The following KIF26B variants were observed in gnomAD, a reference collection of about 807,000 sequenced individuals.
The protein encoded by KIF26B is kinesin family member 26B.
KIF26B carries 63 observed loss-of-function variants against 151.2 expected under a neutral mutation model. That is an observed-to-expected ratio of 0.42 (90% CI 0.34 to 0.51). KIF26B has a LOEUF of 0.51. KIF26B is among the 20% of genes least tolerant of loss of function. The pLI, the probability that KIF26B is intolerant of heterozygous loss-of-function variation, is 0.07. For synonymous variants in KIF26B, 1,357 were observed against 1,262.1 expected (o/e 1.08, Z -1.59); for missense variants, 2,813 against 2,913.6 (o/e 0.97, Z 0.79).
intron 2 of KIF26B, among the ~76,000 whole-genome samples, chr1:245,245,074 G>A (rs528705688): frequency 1.3e-5 from 2 of 152,186 alleles, no homozygotes; most frequent in East Asian, 3.9e-4. Flanking sequence ...TGTGAGCCTC[G>A]GTGGGCTGAT....
chr1:245,482,902 A>C (rs1660198393), intron 4 of KIF26B, among the ~76,000 whole-genome samples: 1 of 151,766 alleles, frequency 6.6e-6, no homozygotes, highest in Non-Finnish European at 1.5e-5. Flanking sequence ...CGGTGTGATG[A>C]ATCCCGGGCA....
At chr1:245,292,791 T>C (rs569267024) in intron 2 of KIF26B, among the ~76,000 whole-genome samples, 4 of 152,296 alleles carry the variant, frequency 2.6e-5, no homozygotes, top group Non-Finnish European at 4.4e-5. Context: ...CATTTCCCTT[T>C]CCACCTTCCC....
In KIF26B at chr1:245,686,594, G is replaced by A; in HGVS notation, c.3611G>A (p.Ser1204Asn). The A allele has an allele frequency of 1.2e-6, 2 of 1,611,776 alleles. No individual in the cohort carries two copies. The highest frequency in any genetic ancestry group is 1.7e-6 in the Non-Finnish European group (2 of 1,179,334). The change falls in exon 12 of 15, where the codon AGC (serine) becomes AAC (asparagine). Residue 1204 changes from serine (S) to asparagine (N), a missense_variant. Transcript: ENST00000407071. The surrounding 1 kb of genome is among the most constrained non-coding windows in gnomAD (Gnocchi z 5.6). Reference protein sequence around the residue: ...EELTISGVLDSGRPTSIISFN... With the variant: ...EELTISGVLDNGRPTSIISFN... ...CTGACCATCAGCGGGGTCCTGGACAGCGGCCGCCCCACCAGCATCATCAGC... is the reference window on the plus strand; with the variant it reads ...CTGACCATCAGCGGGGTCCTGGACAACGGCCGCCCCACCAGCATCATCAGC...
At chr1:245,354,231 G>T (rs1672631515) in intron 2 of KIF26B, among the ~76,000 whole-genome samples, 2 of 152,196 alleles carry the variant, frequency 1.3e-5, no homozygotes. Flanking sequence ...CCTTCAAGAT[G>T]ACTTTGCCTT....
intron 2 of KIF26B, among the ~76,000 whole-genome samples, chr1:245,214,853 G>A (rs1669613393): frequency 6.6e-6 from 1 of 152,034 alleles, no homozygotes; most frequent in Non-Finnish European, 1.5e-5. Flanking sequence ...AAATAAATAA[G>A]TAAATAAATA....
chr1:245,405,771 G>A (rs946317464), intron 3 of KIF26B, among the ~76,000 whole-genome samples: 1 of 152,086 alleles, frequency 6.6e-6, no homozygotes, highest in Non-Finnish European at 1.5e-5. Flanking sequence ...ATAGATCTAA[G>A]GGCTTTTCCA....
chr1:245,438,943 G>C (rs969228), intron 4 of KIF26B, among the ~76,000 whole-genome samples: 118,806 of 152,130 alleles, frequency 0.78, 46,554 homozygotes, highest in East Asian at 0.95. Flanking sequence ...AAATGTTTGG[G>C]GGTAATGGAT....
intron 3 of KIF26B, among the ~76,000 whole-genome samples, chr1:245,373,015 A>G (rs532423165): frequency 1.5e-4 from 23 of 152,346 alleles, no homozygotes; most frequent in Non-Finnish European, 2.8e-4. Context: ...ACCGGTATAA[A>G]TTATCTATTT....
At chr1:245,195,149 T>G (rs1379334545) in intron 2 of KIF26B, among the ~76,000 whole-genome samples, 1 of 152,210 alleles carries the variant, frequency 6.6e-6, no homozygotes, top group Non-Finnish European at 1.5e-5. Flanking sequence ...GTATTCCTGT[T>G]GCATTTGATG....
chr1:245,409,707 G>C (rs906446896), intron 3 of KIF26B, among the ~76,000 whole-genome samples: 2 of 152,142 alleles, frequency 1.3e-5, no homozygotes, highest in African/African-American at 4.8e-5. Context: ...TCCCATCCTG[G>C]CCTGGGGTGC....
chr1:245,202,517 G>A (rs959742975), intron 2 of KIF26B, among the ~76,000 whole-genome samples: 1 of 152,100 alleles, frequency 6.6e-6, no homozygotes, highest in Non-Finnish European at 1.5e-5. Context: ...CCAGCACTTT[G>A]GGGGGCCAAG....
intron 2 of KIF26B, among the ~76,000 whole-genome samples, chr1:245,310,734 A>G (rs1467833067): frequency 6.6e-6 from 1 of 152,226 alleles, no homozygotes; most frequent in Non-Finnish European, 1.5e-5. Context: ...AGGCAGCAGC[A>G]GCAACGCGGG....
At position 245,156,272 on chromosome 1, in the gene KIF26B, T is replaced by C. The variant is rs1355067908; in HGVS notation, c.64-10T>C. On this transcript the variant is annotated splice_polypyrimidine_tract_variant and intron_variant, in intron 1 of 14. Coordinates refer to ENST00000407071, the MANE Select transcript of KIF26B (RefSeq NM_018012.4). ...TTGCAGCCCCTGACACCGGCGTGTC[T>C]TCCCCGCAGGTGAATGAAGTCTGCT... 6.5e-7 allele frequency: 1 copy of C among 1,545,010 alleles called. No homozygotes were observed. The highest frequency in any genetic ancestry group is 8.7e-7 in the Non-Finnish European group (1 of 1,145,418).
chr1:245,389,743 T>C (rs1301660619), intron 3 of KIF26B, among the ~76,000 whole-genome samples: 2 of 152,204 alleles, frequency 1.3e-5, no homozygotes, highest in African/African-American at 4.8e-5. Flanking sequence ...AATTAAATGG[T>C]ACATGCGCAT....
intron 4 of KIF26B, among the ~76,000 whole-genome samples, chr1:245,474,406 CT>C (rs201678465): frequency 6.9e-6 from 1 of 144,432 alleles, no homozygotes; most frequent in African/African-American, 2.5e-5. Context: ...CTGCTCCTGG[CT>C]TTTTTTTGTT....
chr1:245,647,435 A>G (rs990867994), intron 10 of KIF26B, among the ~76,000 whole-genome samples: 1 of 149,330 alleles, frequency 6.7e-6, no homozygotes, highest in African/African-American at 2.5e-5. Flanking sequence ...AAAAAAAAAA[A>G]AAAAAAAAGA....
intron 4 of KIF26B, among the ~76,000 whole-genome samples, chr1:245,481,636 ACCT>A (rs1419343958): frequency 6.6e-6 from 1 of 151,712 alleles, no homozygotes; most frequent in Non-Finnish European, 1.5e-5. Context: ...GGAGTGTCAA[ACCT>A]CCTGTCAACT....
intron 9 of KIF26B, among the ~76,000 whole-genome samples, chr1:245,622,352 T>C (rs1172866346): frequency 6.6e-6 from 1 of 152,336 alleles, no homozygotes; most frequent in South Asian, 2.1e-4. Context: ...CTCACCTTTT[T>C]TTCTCAGTAC....
intron 10 of KIF26B, among the ~76,000 whole-genome samples, chr1:245,649,278 C>T (rs543240418): frequency 3.2e-4 from 49 of 152,296 alleles, no homozygotes; most frequent in African/African-American, 1.1e-3. Context: ...CAAAGGTTTA[C>T]TCAAATCACC....
Sources: allele counts gnomAD v4.1 joint callset (sites outside exome capture counted in the v4.1 genomes callset), GRCh38; gene constraint gnomAD v4.1.1; non-coding constraint Gnocchi (gnomAD v3.1); transcripts MANE v1.5; gene names NCBI Gene and HGNC (gene_info 2026-07-23, HGNC 2026-07-21).